EPPK1: variants seen among roughly 807,000 people sequenced by gnomAD.
The protein encoded by EPPK1 is epiplakin.
For synonymous variants in EPPK1, 1,862 were observed against 1,721.2 expected (o/e 1.08, Z -2.03); for missense variants, 3,823 against 3,673.3 (o/e 1.04, Z -1.05).
intron 1 of EPPK1, 116 bp downstream of exon 1, chr8:143,878,322 C>T (rs1401975385): frequency 6.8e-6 from 1 of 146,804 alleles, no homozygotes; most frequent in East Asian, 2.0e-4. Flanking sequence ...CGGTTTCCTT[C>T]GGCGGCCGCC....
Position 143,869,287 on chromosome 8 carries a change from C to T in EPPK1, c.3967G>A (p.Ala1323Thr). 1.2e-6 allele frequency: 2 copies of T among 1,604,990 alleles called. No homozygotes were observed. The highest frequency in any genetic ancestry group is 1.1e-5 in the South Asian group (1 of 90,256). Residue 1323 changes from alanine (A) to threonine (T), a missense_variant, in exon 2 of 2, where the codon GCG becomes ACG. Coordinates refer to ENST00000615648, the MANE Select transcript of EPPK1 (RefSeq NM_031308.4). ...TAGGGATCTGGGTACCCGGCCGCCG[C>T]CCTCTCGGCCTGCCCGAGCTGCTCA... ...LSEQLGQAER[A>T]AAGYPDPYSR...
rs139541872 is a variant in EPPK1 at position 143,858,023 on chromosome 8, C to T, written c.15231G>A (p.Glu5077=). ...AGAGAGAAAGAAATAGGAGCCCCGT[C>T]TCAGGGTCCAGGGTGGCCCTCTGCA... The part of the protein sequence containing the change: ...QLLQRATLDP[E]TGLLFLSLSL... The change falls in exon 2 of 2, where the codon GAG becomes GAA. Residue 5077 remains glutamate (E), a synonymous_variant. Coordinates refer to ENST00000615648, the MANE Select transcript of EPPK1 (RefSeq NM_031308.4). 6.2e-7 allele frequency: 1 copy of T among 1,611,510 alleles called. No individual in the cohort carries two copies. Among genetic ancestry groups the T allele is most frequent in the African/African-American group, 1.3e-5 (1 of 74,862 alleles).
Position 143,873,136 on chromosome 8 carries a change from C to G in EPPK1, c.118G>C (p.Ala40Pro), listed in dbSNP as rs547650598. 2 of 1,583,596 alleles carry G rather than the reference C, an allele frequency of 1.3e-6. No individual in the cohort carries two copies. Among genetic ancestry groups the G allele is most frequent in the Middle Eastern group, 1.7e-4 (1 of 5,926 alleles). The change falls in exon 2 of 2, where the codon GCC (alanine) becomes CCC (proline). Residue 40 changes from alanine (A) to proline (P), a missense_variant. Ala to Pro is a conservative substitution (Grantham distance 27, BLOSUM62 -1). Coordinates refer to ENST00000615648, the MANE Select transcript of EPPK1 (RefSeq NM_031308.4). ...LGAGTPPRPQ[A>P]RSIAGVYVEA... Reference sequence around the variant, plus strand: ...ACATACACCCCAGCTATGCTCCTGGCCTGGGGCCTGGGGGGCGTGCCGGCT... The same window carrying G: ...ACATACACCCCAGCTATGCTCCTGGGCTGGGGCCTGGGGGGCGTGCCGGCT...
At position 143,870,655 on chromosome 8, in the gene EPPK1, G is replaced by A; in HGVS notation, c.2599C>T (p.Leu867=). The A allele has an allele frequency of 3.7e-6, 6 of 1,607,370 alleles. No individual in the cohort carries two copies. Among genetic ancestry groups the A allele is most frequent in the Non-Finnish European group, 4.2e-6 (5 of 1,177,746 alleles). ...REVTLGQVAK[L]LEAETQRQAD... is the part of the protein sequence containing the mutation. The stretch of plus-strand genomic sequence containing the variant: ...TGTCTCTGCGTCTCCGCCTCCAGCA[G>A]CTTTGCCACCTGCCCCAGCGTGACC... Residue 867 remains leucine, a synonymous_variant, in exon 2 of 2, where the codon CTG becomes TTG. Transcript: ENST00000615648. This position sits in a 1 kb window ranked among gnomAD's most constrained non-coding sequence, Gnocchi z 5.2.
At position 143,866,666 on chromosome 8, in the gene EPPK1, C is replaced by G; in HGVS notation, c.6588G>C (p.Met2196Ile). The G allele has an allele frequency of 6.2e-7, 1 of 1,613,180 alleles. No homozygotes were observed. Among genetic ancestry groups the G allele is most frequent in the Non-Finnish European group, 8.5e-7 (1 of 1,179,876 alleles). ...TCCGTCCCGTTTCCAGGTCCTGGAG[C>G]ATTTCCTCCGTGATTATGGCTGAGC... ...LLSSAIITEE[M>I]LQDLETGRST... The change falls in exon 2 of 2, where the codon ATG becomes ATC. Residue 2196 changes from methionine to isoleucine, a missense_variant. Met to Ile is a conservative substitution (Grantham distance 10, BLOSUM62 1). Transcript: ENST00000615648.
chr8:143,869,406 T>C lies in EPPK1; in HGVS notation c.3848A>G (p.Gln1283Arg). 1 of 1,607,226 alleles carries C rather than the reference T, an allele frequency of 6.2e-7. No individual in the cohort carries two copies. The highest frequency in any genetic ancestry group is 8.5e-7 in the Non-Finnish European group (1 of 1,178,148). ...GTCAACAAGGAAGCCAGATGCCACC[T>C]GGGCTTCCAGCAGCCTCTGGCCCAG... The part of the protein sequence containing the change: ...TGLGQRLLEA[Q>R]VASGFLVDPL... Residue 1283 changes from glutamine to arginine, a missense_variant, in exon 2 of 2, where the codon CAG becomes CGG. Physicochemically the swap from Gln to Arg is conservative, Grantham distance 43. Transcript: ENST00000615648.
Position 143,866,751 on chromosome 8 carries a change from C to T in EPPK1, c.6503G>A (p.Ser2168Asn). 1.9e-6 allele frequency: 3 copies of T among 1,613,512 alleles called. No homozygotes were observed. Among genetic ancestry groups the T allele is most frequent in the Non-Finnish European group, 2.5e-6 (3 of 1,179,880 alleles). ...ILELIEKQETSNKHLWFQGIR... is the reference protein window; with the variant it reads ...ILELIEKQETNNKHLWFQGIR... ...TCCTTGGAACCACAGGTGTTTGTTG[C>T]TGGTTTCCTGCTTCTCGATCAACTC... is the stretch of plus-strand genomic sequence containing the variant. Residue 2168 changes from serine (S) to asparagine (N), a missense_variant, in exon 2 of 2, where the codon AGC becomes AAC. Coordinates refer to ENST00000615648, the MANE Select transcript of EPPK1 (RefSeq NM_031308.4).
chr8:143,869,164 C>A lies in EPPK1; in HGVS notation c.4090G>T (p.Gly1364Cys). ...PLLQVQLATG[G>C]VVDPVHGVHL... is the part of the protein sequence containing the mutation. The stretch of plus-strand genomic sequence containing the variant: ...ACCCCGTGGACAGGGTCCACCACAC[C>A]CCCTGTGGCCAGCTGCACCTGCAGG... The change falls in exon 2 of 2, where the codon GGT becomes TGT. Residue 1364 changes from glycine (G) to cysteine (C), a missense_variant. Physicochemically the swap from Gly to Cys is radical, Grantham distance 159. Transcript: ENST00000615648. 1 of 1,607,732 alleles carries A rather than the reference C, an allele frequency of 6.2e-7. No homozygotes were observed. Among genetic ancestry groups the A allele is most frequent in the Non-Finnish European group, 8.5e-7 (1 of 1,179,562 alleles).
In EPPK1 at chr8:143,859,336, C is replaced by CGGCCCGGGCCTGGGCCTG; in HGVS notation, c.13917_13918insCAGGCCCAGGCCCGGGCC (p.Ala4639_Glu4640insGlnAlaGlnAlaArgAla). 3.9e-6 allele frequency: 1 copy of CGGCCCGGGCCTGGGCCTG among 254,070 alleles called. No homozygotes were observed. The highest frequency in any genetic ancestry group is 7.1e-6 in the Non-Finnish European group (1 of 141,270). 15.7% of individuals were successfully genotyped at this position (254,070 alleles called of 1,614,324 possible). ...GGGCGCGGGCTCCCGGCCTCGGCCT[C>CGGCCCGGGCCTGGGCCTG]GGCCTCGGCCCGGGCCTGGGCCTGG... On this transcript the variant is annotated inframe_insertion, in exon 2 of 2. Transcript: ENST00000615648.
At position 143,867,168 on chromosome 8, in the gene EPPK1, GT is replaced by G. The variant is rs782696825; in HGVS notation, c.6085del (p.Thr2029GlnfsTer22). ...GTGCAGACAGCCCCGTCTGTAGGCT[GT>G]TTCCAGTGGGAGCCGGTGGTGGTGC... ...PQHHHRLPLE[T>X]AYRRGCLHKD... On this transcript the variant is annotated frameshift_variant, in exon 2 of 2. Transcript: ENST00000615648. LOFTEE classifies it low-confidence loss of function (END_TRUNC). 9.9e-6 allele frequency: 16 copies of G among 1,612,712 alleles called. No homozygotes were observed. The South Asian group carries it at 1.6e-4, about 17-fold the overall frequency.
At position 143,872,773 on chromosome 8, in the gene EPPK1, C is replaced by A. The variant is rs782234671; in HGVS notation, c.481G>T (p.Val161Leu). Reference protein sequence around the residue: ...LEVQLATGGLVDPAQGVLVAP... With the variant: ...LEVQLATGGLLDPAQGVLVAP... ...ACGAGCACTCCCTGGGCGGGGTCCA[C>A]CAGGCCCCCAGTGGCCAGTTGGACC... Residue 161 changes from valine (V) to leucine (L), a missense_variant, in exon 2 of 2, where the codon GTG (valine) becomes TTG (leucine). Coordinates refer to ENST00000615648, the MANE Select transcript of EPPK1 (RefSeq NM_031308.4). 6.3e-7 allele frequency: 1 copy of A among 1,580,528 alleles called. No homozygotes were observed. The highest frequency in any genetic ancestry group is 8.6e-7 in the Non-Finnish European group (1 of 1,159,436).
At position 143,866,468 on chromosome 8, in the gene EPPK1, C is replaced by G. The variant is rs1819109943; in HGVS notation, c.6786G>C (p.Leu2262=). ...GVLRPGTALV[L]LEAQAATGFV... ...AGCCGGTGGCCGCCTGCGCCTCCAG[C>G]AGCACCAGGGCCGTGCCGGGCCGCA... The change falls in exon 2 of 2, where the codon CTG becomes CTC. Residue 2262 remains leucine, a synonymous_variant. Coordinates refer to ENST00000615648, the MANE Select transcript of EPPK1 (RefSeq NM_031308.4). 6.7e-7 allele frequency: 1 copy of G among 1,491,112 alleles called. No homozygotes were observed. The allele number at this position is 1,491,112 out of a possible 1,614,324, so 92.4% of individuals were successfully genotyped here. A position where few individuals can be genotyped will look rare whatever the true frequency, so the allele number is the denominator to read the frequency against.
At position 143,858,232 on chromosome 8, in the gene EPPK1, C is replaced by A; in HGVS notation, c.15022G>T (p.Glu5008Ter). The A allele has an allele frequency of 6.2e-7, 1 of 1,606,406 alleles. No individual in the cohort carries two copies. Among genetic ancestry groups the A allele is most frequent in the African/African-American group, 1.3e-5 (1 of 74,334 alleles). Residue 5008 changes from glutamate to a stop codon, truncating the protein, a stop_gained, in exon 2 of 2, where the codon GAG becomes TAG. Transcript: ENST00000615648. LOFTEE classifies it low-confidence loss of function (END_TRUNC). ...IVREHGIRLL[E>*]AQIATGGVID... ...ACGCCGCCCGTGGCGATCTGGGCCTCCAGCAGGCGGATGCCGTGCTCCCGG... is the reference window on the plus strand; with the variant it reads ...ACGCCGCCCGTGGCGATCTGGGCCTACAGCAGGCGGATGCCGTGCTCCCGG...
At chr8:143,878,569 C>G (rs1819538546), upstream of EPPK1, 1 of 149,490 alleles carries the variant, frequency 6.7e-6, no homozygotes, top group East Asian at 2.0e-4. Flanking sequence ...GCGGGGCGGG[C>G]AGGTGCCGGA....
chr8:143,878,582 C>T (rs1245949153), upstream of EPPK1: 7 of 150,986 alleles, frequency 4.6e-5, no homozygotes, highest in Admixed American at 4.6e-4. Context: ...GTGCCGGAAA[C>T]CCCGCGCGGC....
Position 143,869,944 on chromosome 8 carries a change from T to G in EPPK1, c.3310A>C (p.Arg1104=), listed in dbSNP as rs1425868430. The change falls in exon 2 of 2, where the codon AGG becomes CGG. Residue 1104 remains arginine, a synonymous_variant. Coordinates refer to ENST00000615648, the MANE Select transcript of EPPK1 (RefSeq NM_031308.4). ...AGGTGAAGGCCAGAAGTCTCATCCC[T>G]GGGGCACTCCTCCAGGAGCTGGGCA... is the stretch of plus-strand genomic sequence containing the variant. ...SYAQLLEECP[R]DETSGLHLLP... 5 of 1,608,270 alleles carry G rather than the reference T, an allele frequency of 3.1e-6. No individual in the cohort carries two copies. Among genetic ancestry groups the G allele is most frequent in the Non-Finnish European group, 4.2e-6 (5 of 1,177,694 alleles).
rs1554659468 is a variant in EPPK1, at chr8:143,867,416, G to A, written c.5838C>T (p.Arg1946=). Residue 1946 remains arginine, a synonymous_variant, in exon 2 of 2, where the codon CGC becomes CGT. Coordinates refer to ENST00000615648, the MANE Select transcript of EPPK1 (RefSeq NM_031308.4). ...ATGFLLDPCT[R]QKLSVDEAVD... is the part of the protein sequence containing the mutation. ...CAGCCTCATCCACAGAGAGCTTCTG[G>A]CGGGTGCAGGGGTCCAGGAGGAACC... 1 of 1,612,824 alleles carries A rather than the reference G, an allele frequency of 6.2e-7. No homozygotes were observed. Among genetic ancestry groups the A allele is most frequent in the Admixed American group, 1.7e-5 (1 of 60,022 alleles).
chr8:143,874,989 C>T (rs1248177715), intron 1 of EPPK1, among the ~76,000 whole-genome samples: 1 of 152,168 alleles, frequency 6.6e-6, no homozygotes, highest in Non-Finnish European at 1.5e-5. Context: ...TGGGGGCTCC[C>T]CTCTCCAGTG....
Position 143,868,360 on chromosome 8 carries a change from C to G in EPPK1, c.4894G>C (p.Gly1632Arg), listed in dbSNP as rs1281760594. The G allele has an allele frequency of 6.2e-7, 1 of 1,612,890 alleles. No individual in the cohort carries two copies. Among genetic ancestry groups the G allele is most frequent in the African/African-American group, 1.3e-5 (1 of 74,942 alleles). Residue 1632 changes from glycine to arginine, a missense_variant, in exon 2 of 2, where the codon GGA (glycine) becomes CGA (arginine). Gly to Arg is a moderately radical substitution (Grantham distance 125, BLOSUM62 -2). Transcript: ENST00000615648. ...ACGTAGGTTTCTTTCCCGAACATTC[C>G]TGCTTTGAACGCCTCCTCCACGGTC... is the stretch of plus-strand genomic sequence containing the variant. Reference protein sequence around the residue: ...KLTVEEAFKAGMFGKETYVKL... With the variant: ...KLTVEEAFKARMFGKETYVKL...
Sources: gnomAD v4.1 joint callset for allele counts (sites outside exome capture counted in the v4.1 genomes callset) on GRCh38, gnomAD v4.1.1 for gene constraint, Gnocchi (gnomAD v3.1) non-coding constraint, MANE v1.5 for transcripts, NCBI Gene and HGNC (gene_info 2026-07-23, HGNC 2026-07-21) for gene names.